Variants in QRFPR observed in about 807,000 individuals in gnomAD.
The protein encoded by QRFPR is pyroglutamylated RFamide peptide receptor.
QRFPR carries 37 observed loss-of-function variants against 31.3 expected under a neutral mutation model. The ratio of observed to expected loss-of-function variants is 1.18; its 90% CI spans 0.91 to 1.56. The LOEUF is 1.56. Among genes scored for constraint, QRFPR ranks in the 40% most tolerant of loss-of-function variants. The pLI, the probability that QRFPR is intolerant of heterozygous loss-of-function variation, is 0.00. For missense variants in QRFPR, 542 were observed against 532.5 expected, an observed-to-expected ratio of 1.02 and a Z score of -0.18; for synonymous variants, 197 against 192.0, an observed-to-expected ratio of 1.03 and a Z score of -0.22.
In QRFPR at chr4:121,367,278, C is replaced by T. The variant is rs1445454625; in HGVS notation, c.340+13030G>A. On this transcript the variant is annotated intron_variant, in intron 1 of 5. Transcript: ENST00000394427. ...TGGGTGGCCTGGAAAGACACATGAGCCTTGAAAGGAACTACAAAATCAGCT... is the reference window on the plus strand; with the variant it reads ...TGGGTGGCCTGGAAAGACACATGAGTCTTGAAAGGAACTACAAAATCAGCT... 4.0e-5 allele frequency among the ~76,000 whole-genome samples: 6 copies of T among 149,744 alleles called. No homozygotes were observed. In the South Asian group the frequency reaches 1.1e-3, roughly 26 times the overall value.
Position 121,361,650 on chromosome 4 carries a change from AG to A in QRFPR, c.340+18657del, listed in dbSNP as rs1321232684. Among the ~76,000 whole-genome samples the A allele has an allele frequency of 6.7e-5, 10 of 150,316 alleles. 1 individual carries two copies. The highest frequency in any genetic ancestry group is 2.0e-4 in the African/African-American group (8 of 40,652). ...ATGAGGCCTGAGACGATTCTGAAAA[AG>A]TTCCAGGTGATGCTGATGCTGCGTG... On this transcript the variant is annotated intron_variant, in intron 1 of 5. Transcript: ENST00000394427.
chr4:121,380,907 TCA>T lies in QRFPR; in HGVS notation c.-262_-261del. On this transcript the variant is annotated 5_prime_UTR_variant, in exon 1 of 6. Coordinates refer to ENST00000394427, the MANE Select transcript of QRFPR (RefSeq NM_198179.3). ...TCAGTGACCAAAAAATGTTCGCGGT[TCA>T]AATAAAGTTCTTCCCTTGCTCTTCC... The T allele has an allele frequency of 4.2e-6, 2 of 481,112 alleles. No individual in the cohort carries two copies. The highest frequency in any genetic ancestry group is 6.7e-5 in the East Asian group (2 of 29,726). The allele number at this position is 481,112 out of a possible 1,614,324, so 29.8% of individuals were successfully genotyped here.
Position 121,332,872 on chromosome 4 carries a change from T to C in QRFPR, c.746A>G (p.Asp249Gly), listed in dbSNP as rs1251563347. Residue 249 changes from aspartate to glycine, a missense_variant, in exon 4 of 6, where the codon GAT becomes GGT. Transcript: ENST00000394427. ...YELWIKKRVG[D>G]GSVLRTIHGK... Reference sequence around the variant, plus strand: ...ATGAATAGTTCGAAGCACTGAACCATCCCCAACTCTTTTCTTTATCCAAAG... The same window carrying C: ...ATGAATAGTTCGAAGCACTGAACCACCCCCAACTCTTTTCTTTATCCAAAG... The C allele has an allele frequency of 2.5e-6, 4 of 1,614,116 alleles. No homozygotes were observed. In the East Asian group the frequency reaches 6.7e-5, roughly 27 times the overall value.
At chr4:121,332,254 T>C (rs2110466380) in intron 4 of QRFPR, among the ~76,000 whole-genome samples, 1 of 152,340 alleles carries the variant, frequency 6.6e-6, no homozygotes, top group Middle Eastern at 3.4e-3. Flanking sequence ...GTAAGTCATG[T>C]TTTAAAATTT....
intron 1 of QRFPR, among the ~76,000 whole-genome samples, chr4:121,372,179 G>A (rs1726260251): frequency 6.6e-6 from 1 of 152,158 alleles, no homozygotes; most frequent in African/African-American, 2.4e-5. Flanking sequence ...ACAGGGATAA[G>A]AAACTGCCTC....
chr4:121,332,065 A>G (rs368390519), intron 4 of QRFPR, among the ~76,000 whole-genome samples: 1 of 152,112 alleles, frequency 6.6e-6, no homozygotes, highest in East Asian at 1.9e-4. Context: ...CATTGACAAG[A>G]AGGGTTTCTT....
chr4:121,369,660 A>C (rs188136585), intron 1 of QRFPR: 22 of 1,586,604 alleles, frequency 1.4e-5, no homozygotes, highest in Admixed American at 6.7e-5. Context: ...TTCTGAAGGG[A>C]TCTCAGTCCA....
chr4:121,333,336 A>G (rs1258372787), intron 3 of QRFPR, among the ~76,000 whole-genome samples: 2 of 152,126 alleles, frequency 1.3e-5, no homozygotes, highest in Non-Finnish European at 2.9e-5. Context: ...CTCAACTTCT[A>G]TTTCCACTAG....
In QRFPR at chr4:121,330,758, C is replaced by T. The variant is rs111293829; in HGVS notation, c.798-235G>A. On this transcript the variant is annotated intron_variant, in intron 4 of 5. Transcript: ENST00000394427. ...ATCTGGCACTCTGCTAGATGCATGA[C>T]ATGGATAATGTCATTAATTTACCCA... Among the ~76,000 whole-genome samples the T allele has an allele frequency of 9.7e-3, 1,481 of 152,214 alleles. 24 individuals carry two copies. The highest frequency in any genetic ancestry group is 0.031 in the African/African-American group (1,296 of 41,522).
At position 121,336,800 on chromosome 4, in the gene QRFPR, A is replaced by T; in HGVS notation, c.561+7T>A. 2 of 1,601,514 alleles carry T rather than the reference A, an allele frequency of 1.2e-6. No individual in the cohort carries two copies. Among genetic ancestry groups the T allele is most frequent in the Non-Finnish European group, 1.7e-6 (2 of 1,168,468 alleles). ...CAATATGATTATACATCTCAACTGGAGTCTACCTCAAGTTGTTGCACGTGC... is the reference window on the plus strand; with the variant it reads ...CAATATGATTATACATCTCAACTGGTGTCTACCTCAAGTTGTTGCACGTGC... On this transcript the variant is annotated splice_region_variant and intron_variant, in intron 3 of 5. Coordinates refer to ENST00000394427, the MANE Select transcript of QRFPR (RefSeq NM_198179.3).
At chr4:121,371,779 A>G (rs1475966148) in intron 1 of QRFPR, among the ~76,000 whole-genome samples, 1 of 152,240 alleles carries the variant, frequency 6.6e-6, no homozygotes, top group Non-Finnish European at 1.5e-5. Flanking sequence ...CATGCTAAGC[A>G]GTCAAGCCTT....
rs1726062110 is a variant in QRFPR at position 121,364,931 on chromosome 4, G to A, written c.340+15377C>T. Among the ~76,000 whole-genome samples, 2 of 149,708 alleles carry A rather than the reference G, an allele frequency of 1.3e-5. 1 individual carries two copies. The highest frequency in any genetic ancestry group is 4.2e-4 in the South Asian group (2 of 4,728). On this transcript the variant is annotated intron_variant, in intron 1 of 5. Transcript: ENST00000394427. ...CTTTGTTTACTACTGGAGAGAAGTAGAGTCACATTCATGGCCCAGCCCTGG... is the reference window on the plus strand; with the variant it reads ...CTTTGTTTACTACTGGAGAGAAGTAAAGTCACATTCATGGCCCAGCCCTGG...
chr4:121,332,872 T>A lies in QRFPR; in HGVS notation c.746A>T (p.Asp249Val). The change falls in exon 4 of 6, where the codon GAT (aspartate) becomes GTT (valine). Residue 249 changes from aspartate to valine, a missense_variant. Physicochemically the swap from Asp to Val is radical, Grantham distance 152. Coordinates refer to ENST00000394427, the MANE Select transcript of QRFPR (RefSeq NM_198179.3). ...YELWIKKRVG[D>V]GSVLRTIHGK... ...ATGAATAGTTCGAAGCACTGAACCA[T>A]CCCCAACTCTTTTCTTTATCCAAAG... The A allele has an allele frequency of 3.1e-6, 5 of 1,614,116 alleles. No homozygotes were observed. The highest frequency in any genetic ancestry group is 4.2e-6 in the Non-Finnish European group (5 of 1,180,002).
intron 1 of QRFPR, chr4:121,369,485 C>T (rs923911018): frequency 1.1e-4 from 133 of 1,223,248 alleles, no homozygotes; most frequent in Admixed American, 7.7e-5. Context: ...ATTATGTGCC[C>T]GTGGTGGCTG....
At position 121,380,709 on chromosome 4, in the gene QRFPR, GGGCAGCGA is replaced by G; in HGVS notation, c.-70_-63del. 7.1e-7 allele frequency: 1 copy of G among 1,417,118 alleles called. No homozygotes were observed. The highest frequency in any genetic ancestry group is 9.4e-7 in the Non-Finnish European group (1 of 1,065,824). 87.8% of individuals were successfully genotyped at this position (1,417,118 alleles called of 1,614,324 possible). On this transcript the variant is annotated 5_prime_UTR_variant, in exon 1 of 6. Coordinates refer to ENST00000394427, the MANE Select transcript of QRFPR (RefSeq NM_198179.3). ...TACTGGCTGGCCATCCGCATCTGCGGGGCAGCGAGGGCTTCGGGGGACCAGCCGGAGGC... is the reference window on the plus strand; with the variant it reads ...TACTGGCTGGCCATCCGCATCTGCGGGGGCTTCGGGGGACCAGCCGGAGGC...
At chr4:121,359,761 G>GTATATA (rs35601283) in intron 1 of QRFPR, among the ~76,000 whole-genome samples, 2 of 147,814 alleles carry the variant, frequency 1.4e-5, no homozygotes, top group Non-Finnish European at 3.0e-5. Flanking sequence ...ATATGGGAGT[G>GTATATA]TATATATATA....
At chr4:121,351,843 TAA>T (rs11333384) in intron 1 of QRFPR, among the ~76,000 whole-genome samples, 60 of 146,060 alleles carry the variant, frequency 4.1e-4, no homozygotes, top group Non-Finnish European at 5.0e-4. Context: ...TAAAGTAATG[TAA>T]AAAAAAAAAA....
chr4:121,349,827 G>A (rs532161196), intron 1 of QRFPR, among the ~76,000 whole-genome samples: 1 of 152,200 alleles, frequency 6.6e-6, no homozygotes, highest in South Asian at 2.1e-4. Context: ...ATGCTACTCT[G>A]TATCAATAAC....
chr4:121,330,346 G>A (rs1725298564), intron 5 of QRFPR, 80 bp downstream of exon 5: 8 of 967,934 alleles, frequency 8.3e-6, no homozygotes, highest in Middle Eastern at 4.2e-4. Flanking sequence ...AGTGAACAGC[G>A]ACACATTTCA....
Sources: allele counts gnomAD v4.1 joint callset (sites outside exome capture counted in the v4.1 genomes callset), GRCh38; gene constraint gnomAD v4.1.1; transcripts MANE v1.5; gene names NCBI Gene and HGNC (gene_info 2026-07-23, HGNC 2026-07-21).